Variants in FAT2 observed in about 807,000 individuals in gnomAD.
FAT2 encodes the protein FAT atypical cadherin 2, also known as protocadherin Fat 2.
FAT2 carries 150 observed loss-of-function variants against 295.3 expected under a neutral mutation model. The observed-to-expected ratio is 0.51, with a 90% CI of 0.44 to 0.58. The LOEUF (loss-of-function observed/expected upper bound fraction) is 0.58. Among genes scored for constraint, FAT2 ranks in the 20% least tolerant of loss-of-function variants. The pLI is 0.00. For synonymous variants in FAT2, 2,026 were observed against 2,150.3 expected, an observed-to-expected ratio of 0.94 and a Z score of 1.60; for missense variants, 4,868 against 5,442.7, an observed-to-expected ratio of 0.89 and a Z score of 3.32.
rs755230800 is a variant in FAT2 at position 151,563,422 on chromosome 5, C to G, written c.3477G>C (p.Leu1159=). Residue 1159 remains leucine, a synonymous_variant, in exon 3 of 24, where the codon CTG becomes CTC. Coordinates refer to ENST00000261800, the MANE Select transcript of FAT2 (RefSeq NM_001447.3). ...AGCTGGAGTCTGGGTCCCAGGCATC[C>G]AGTTGAAGCACAGAGGTGCCCACGG... ...DAPVGTSVLQ[L]DAWDPDSSSK... The G allele has an allele frequency of 6.6e-5, 107 of 1,614,078 alleles. No homozygotes were observed. Among genetic ancestry groups the G allele is most frequent in the Non-Finnish European group, 8.7e-5 (103 of 1,180,046 alleles).
In FAT2 at chr5:151,550,641, C is replaced by G. The variant is rs776933430; in HGVS notation, c.4527G>C (p.Val1509=). 1.2e-6 allele frequency: 2 copies of G among 1,614,174 alleles called. No homozygotes were observed. Among genetic ancestry groups the G allele is most frequent in the East Asian group, 4.5e-5 (2 of 44,880 alleles). ...LDPSSGVLVT[V]GKLDLGSGPS... ...GCCCCGAGCCGAGGTCCAATTTTCCCACCGTTACCAGGACACCACTGCTTG... is the reference window on the plus strand; with the variant it reads ...GCCCCGAGCCGAGGTCCAATTTTCCGACCGTTACCAGGACACCACTGCTTG... Residue 1509 remains valine (V), a synonymous_variant, in exon 8 of 24, where the codon GTG becomes GTC. Transcript: ENST00000261800.
upstream of FAT2, among the ~76,000 whole-genome samples, chr5:151,593,576 C>T (rs564308726): frequency 4.3e-4 from 65 of 152,294 alleles, no homozygotes; most frequent in African/African-American, 1.5e-3. Context: ...TGCTCAGAAA[C>T]TTCTCATTCC....
intron 23 of FAT2, 90 bp from the exon 24 acceptor site, chr5:151,506,187 G>A (rs1283959667): frequency 1.5e-6 from 2 of 1,370,832 alleles, no homozygotes; most frequent in South Asian, 1.7e-5. Flanking sequence ...CCTAGCGAGT[G>A]GTGGAGATGG....
intron 1 of FAT2, among the ~76,000 whole-genome samples, chr5:151,586,677 T>G (rs1177536475): frequency 6.6e-6 from 1 of 152,206 alleles, no homozygotes; most frequent in Non-Finnish European, 1.5e-5. Context: ...CCTCCAATGT[T>G]TATAAAATAA....
rs780085471 is a variant in FAT2, at chr5:151,517,916, A to G, written c.11318-151T>C. The G allele has an allele frequency of 9.1e-4, 851 of 934,202 alleles. 14 individuals are homozygous for G. Among genetic ancestry groups the G allele is most frequent in the Non-Finnish European group, 1.9e-4 (117 of 631,154 alleles). 57.9% of individuals were successfully genotyped at this position (934,202 alleles called of 1,614,324 possible). A position where few individuals can be genotyped will look rare whatever the true frequency, so the allele number is the denominator to read the frequency against. On this transcript the variant is annotated intron_variant, in intron 19 of 23. Transcript: ENST00000261800. ...AACTAGGCTGGGTGTGGGGTGTGCC[A>G]TACCTTTCTAGCCTCACACGTAGAG...
At chr5:151,515,155 C>T (rs1039817994) in intron 20 of FAT2, among the ~76,000 whole-genome samples, 1 of 152,160 alleles carries the variant, frequency 6.6e-6, no homozygotes, top group African/African-American at 2.4e-5. Flanking sequence ...GGCCTCTCAG[C>T]AGCAGATCAC....
upstream of FAT2, among the ~76,000 whole-genome samples, chr5:151,592,697 A>G (rs527813326): frequency 6.6e-6 from 1 of 152,272 alleles, no homozygotes; most frequent in Non-Finnish European, 1.5e-5. Flanking sequence ...CTGTCTCCGC[A>G]TTTGTTAAAT....
At chr5:151,575,622 G>C (rs1758715779) in intron 1 of FAT2, among the ~76,000 whole-genome samples, 1 of 152,206 alleles carries the variant, frequency 6.6e-6, no homozygotes, top group Admixed American at 6.5e-5. Context: ...TCATTACTCT[G>C]AATCTGTAAC....
At chr5:151,576,415 G>C (rs533360133) in intron 1 of FAT2, among the ~76,000 whole-genome samples, 2 of 152,206 alleles carry the variant, frequency 1.3e-5, no homozygotes, top group East Asian at 3.9e-4. Context: ...CTCACCCCTA[G>C]TTTAAATCAA....
At position 151,512,556 on chromosome 5, in the gene FAT2, A is replaced by G. The variant is rs201257346; in HGVS notation, c.11514T>C (p.Tyr3838=). 9 of 1,613,978 alleles carry G rather than the reference A, an allele frequency of 5.6e-6. No homozygotes were observed. Among genetic ancestry groups the G allele is most frequent in the African/African-American group, 2.7e-5 (2 of 74,922 alleles). The change falls in exon 21 of 24, where the codon TAT becomes TAC. Residue 3838 remains tyrosine (Y), a synonymous_variant. Coordinates refer to ENST00000261800, the MANE Select transcript of FAT2 (RefSeq NM_001447.3). This position sits in a 1 kb window ranked among gnomAD's most constrained non-coding sequence, Gnocchi z 4.1. ...CATGGCGCTGGGAGGAAAGGTTTCC[A>G]TAGAAACCACCCAGACAGTGGTATT... The part of the protein sequence containing the change: ...QLEYHCLGGF[Y]GNLSSQRHVN...
At chr5:151,539,819 C>T (rs994589776) in intron 11 of FAT2, among the ~76,000 whole-genome samples, 2 of 152,232 alleles carry the variant, frequency 1.3e-5, no homozygotes, top group African/African-American at 4.8e-5. Context: ...CCCCACTCAA[C>T]ATTTGTTCCT....
chr5:151,590,234 A>T (rs188227970), intron 1 of FAT2, among the ~76,000 whole-genome samples: 1 of 152,302 alleles, frequency 6.6e-6, no homozygotes, highest in Non-Finnish European at 1.5e-5. Context: ...GACTAGAAGC[A>T]CCTACTTCCC....
At chr5:151,533,205 G>A (rs1368220260) in intron 13 of FAT2, among the ~76,000 whole-genome samples, 6 of 152,066 alleles carry the variant, frequency 3.9e-5, no homozygotes, top group Non-Finnish European at 8.8e-5. Context: ...AGGAAGTAGG[G>A]AGCATCCTGT....
At position 151,542,839 on chromosome 5, in the gene FAT2, T is replaced by A. The variant is rs779754001; in HGVS notation, c.8288A>T (p.Tyr2763Phe). 2.5e-6 allele frequency: 4 copies of A among 1,614,204 alleles called. No homozygotes were observed. The highest frequency in any genetic ancestry group is 3.4e-6 in the Non-Finnish European group (4 of 1,180,036). ...KPMDHESTKL[Y>F]QIDVMAHCLQ... is the part of the protein sequence containing the mutation. ...GCAATGTGCCATCACATCAATCTGGTACAATTTGGTGGATTCGTGGTCCAT... is the reference window on the plus strand; with the variant it reads ...GCAATGTGCCATCACATCAATCTGGAACAATTTGGTGGATTCGTGGTCCAT... The change falls in exon 10 of 24, where the codon TAC (tyrosine) becomes TTC (phenylalanine). Residue 2763 changes from tyrosine to phenylalanine, a missense_variant. Physicochemically the swap from Tyr to Phe is conservative, Grantham distance 22. Around this residue, in one of 5 missense-constraint regions of FAT2, gnomAD observed 3,297 missense variants for 3,669.4 expected, o/e 0.90. Coordinates refer to ENST00000261800, the MANE Select transcript of FAT2 (RefSeq NM_001447.3).
Position 151,505,474 on chromosome 5 carries a change from A to G in FAT2, c.*91T>C. On this transcript the variant is annotated 3_prime_UTR_variant, in exon 24 of 24. Coordinates refer to ENST00000261800, the MANE Select transcript of FAT2 (RefSeq NM_001447.3). ...CTGAGGGCTTCCCTCCCACTCTCCCAGCCACACTCAACTCACCCCCTACGA... is the reference window on the plus strand; with the variant it reads ...CTGAGGGCTTCCCTCCCACTCTCCCGGCCACACTCAACTCACCCCCTACGA... 3 of 1,503,562 alleles carry G rather than the reference A, an allele frequency of 2.0e-6. No individual in the cohort carries two copies. The highest frequency in any genetic ancestry group is 4.1e-5 in the Admixed American group (2 of 48,742). 93.1% of individuals were successfully genotyped at this position (1,503,562 alleles called of 1,614,324 possible).
upstream of FAT2, among the ~76,000 whole-genome samples, chr5:151,591,911 C>T (rs1271045598): frequency 6.6e-6 from 1 of 152,146 alleles, no homozygotes; most frequent in Admixed American, 6.5e-5. Flanking sequence ...GAGAAAGTCC[C>T]CCATAAAAGG....
intron 1 of FAT2, among the ~76,000 whole-genome samples, 176 bp from the exon 2 acceptor site, chr5:151,569,127 TGG>T (rs958587898): frequency 7.9e-5 from 12 of 152,164 alleles, no homozygotes; most frequent in African/African-American, 2.4e-4. Flanking sequence ...AGGTAGAGGC[TGG>T]GGATACTGCT....
Position 151,529,203 on chromosome 5 carries a change from G to T in FAT2, c.10001C>A (p.Ala3334Asp), listed in dbSNP as rs561258669. The T allele has an allele frequency of 1.8e-5, 29 of 1,614,072 alleles. No homozygotes were observed. The Middle Eastern group carries it at 5.0e-4, about 28-fold the overall frequency. The change falls in exon 15 of 24, where the codon GCC becomes GAC. Residue 3334 changes from alanine to aspartate, a missense_variant. By Grantham distance (126) the Ala-to-Asp change is moderately radical. Transcript: ENST00000261800. ...CGTGAGGATGACGTCACCCACAAGGGCATTCTCTAAGACCCTTGTGCTATA... is the reference window on the plus strand; with the variant it reads ...CGTGAGGATGACGTCACCCACAAGGTCATTCTCTAAGACCCTTGTGCTATA... The part of the protein sequence containing the change: ...DPYSTRVLEN[A>D]LVGDVILTVS...
At position 151,567,897 on chromosome 5, in the gene FAT2, G is replaced by A. The variant is rs755376995; in HGVS notation, c.1035C>T (p.Ser345=). Reference sequence around the variant, plus strand: ...GTGGTAGGTGAAAGCCCCTGATCTGGGAATAAAAATAAGGGCCGCTCCCAC... The same window carrying A: ...GTGGTAGGTGAAAGCCCCTGATCTGAGAATAAAAATAAGGGCCGCTCCCAC... ...ARSGSGPYFY[S]QIRGFHLPPS... is the part of the protein sequence containing the mutation. Residue 345 remains serine (S), a synonymous_variant, in exon 2 of 24, where the codon TCC becomes TCT. Transcript: ENST00000261800. 2.5e-6 allele frequency: 4 copies of A among 1,614,050 alleles called. No individual in the cohort carries two copies. In the East Asian group the frequency reaches 8.9e-5, roughly 36 times the overall value.
Sources: gnomAD v4.1 joint callset for allele counts (sites outside exome capture counted in the v4.1 genomes callset) on GRCh38, gnomAD v4.1.1 for gene constraint, gnomAD v4.1.1 regional missense constraint, Gnocchi (gnomAD v3.1) non-coding constraint, MANE v1.5 for transcripts, NCBI Gene and HGNC (gene_info 2026-07-23, HGNC 2026-07-21) for gene names.